INO80: variants seen among roughly 807,000 people sequenced by gnomAD.
INO80 encodes the protein chromatin-remodeling ATPase INO80.
A neutral mutation model predicts 203.4 loss-of-function variants in INO80; 20 were observed. The ratio of observed to expected loss-of-function variants is 0.10; its 90% CI spans 0.07 to 0.14. The LOEUF (loss-of-function observed/expected upper bound fraction) is 0.14. INO80 is among the 10% of genes least tolerant of loss of function. The pLI, the probability that INO80 is intolerant of heterozygous loss-of-function variation, is 1.00. For synonymous variants in INO80, 726 were observed against 685.2 expected (o/e 1.06, Z -0.93); for missense variants, 1,419 against 1,914.4 (o/e 0.74, Z 4.83).
intron 29 of INO80, 83 bp from the exon 30 acceptor site, chr15:40,988,057 C>A (rs1223675167): frequency 8.4e-7 from 1 of 1,192,732 alleles, no homozygotes; most frequent in Non-Finnish European, 1.2e-6. Context: ...TGTCTGTTTG[C>A]GAGTTTGGCG....
chr15:41,004,143 C>G (rs2044003352), intron 28 of INO80, among the ~76,000 whole-genome samples: 1 of 152,154 alleles, frequency 6.6e-6, no homozygotes, highest in African/African-American at 2.4e-5. Flanking sequence ...GTAGCTTCCG[C>G]TAGGTGAGAA....
At chr15:41,092,219 T>C (rs372299628) in intron 4 of INO80, 37 bp from the exon 5 acceptor site, 89 of 1,526,894 alleles carry the variant, frequency 5.8e-5, no homozygotes, top group Middle Eastern at 1.7e-4. Flanking sequence ...TCTTTTGCTG[T>C]GAAGCAATCC....
chr15:41,076,895 A>G (rs769266082), intron 9 of INO80, among the ~76,000 whole-genome samples: 27 of 152,162 alleles, frequency 1.8e-4, no homozygotes, highest in Middle Eastern at 6.8e-3. Flanking sequence ...CATATTAAAG[A>G]GTCATTATTT....
rs71104765 is a variant in INO80 at position 41,008,224 on chromosome 15, TACACAC to T, written c.3403-2543_3403-2538del. On this transcript the variant is annotated intron_variant, in intron 27 of 35. Coordinates refer to ENST00000648947, the MANE Select transcript of INO80 (RefSeq NM_017553.3). ...ATAAAGAATATGTGATATATATACA[TACACAC>T]ACACACACACACACACACACACACG... Among the ~76,000 whole-genome samples, 416 of 148,386 alleles carry T rather than the reference TACACAC, an allele frequency of 2.8e-3. 2 individuals carry two copies. Among genetic ancestry groups the T allele is most frequent in the African/African-American group, 6.9e-3 (277 of 40,264 alleles).
chr15:41,097,482 CATAA>C (rs1187577508), intron 1 of INO80, among the ~76,000 whole-genome samples: 2 of 152,030 alleles, frequency 1.3e-5, no homozygotes, highest in African/African-American at 4.8e-5. Context: ...CTCAATAAAC[CATAA>C]ATTATTGTTA....
rs377653207 is a variant in INO80, at chr15:40,986,012, GA to G, written c.3833-587del. 2.3e-4 allele frequency among the ~76,000 whole-genome samples: 35 copies of G among 152,264 alleles called. No homozygotes were observed. In the East Asian group the frequency reaches 6.4e-3, roughly 28 times the overall value. On this transcript the variant is annotated intron_variant, in intron 31 of 35. Coordinates refer to ENST00000648947, the MANE Select transcript of INO80 (RefSeq NM_017553.3). ...ACATTGAGCATGGCTGTAGAGTTCT[GA>G]AAGGTTTTAGAAGGTGCTGGCAAAT...
At chr15:41,029,924 G>A (rs1394950062) in intron 24 of INO80, among the ~76,000 whole-genome samples, 6 of 152,276 alleles carry the variant, frequency 3.9e-5, no homozygotes, top group Middle Eastern at 3.4e-3. Context: ...GCTCATCACC[G>A]CCAGCTAAGT....
At chr15:41,106,311 G>C (rs970788201) in intron 1 of INO80, among the ~76,000 whole-genome samples, 3 of 149,004 alleles carry the variant, frequency 2.0e-5, no homozygotes, top group South Asian at 2.1e-4. Flanking sequence ...TTAAGCCCAA[G>C]AGACAGAGGT....
rs186247318 is a variant in INO80, at chr15:40,998,384, C to T, written c.3498-783G>A. Among the ~76,000 whole-genome samples the T allele has an allele frequency of 3.9e-3, 597 of 152,090 alleles. 8 individuals are homozygous for T. The highest frequency in any genetic ancestry group is 0.014 in the African/African-American group (574 of 41,488). On this transcript the variant is annotated intron_variant, in intron 28 of 35. Transcript: ENST00000648947. ...AGAAAAATGACTCAAATAACTAAGA[C>T]CCAGGCTGTGACTTTTATGTGCTAA...
chr15:41,102,929 T>C (rs2045830710), intron 1 of INO80, among the ~76,000 whole-genome samples: 1 of 152,054 alleles, frequency 6.6e-6, no homozygotes, highest in African/African-American at 2.4e-5. Flanking sequence ...CCTTAGAAAA[T>C]CTCATCTTCT....
chr15:40,990,008 C>CTT (rs930831897), intron 29 of INO80, among the ~76,000 whole-genome samples: 1 of 152,056 alleles, frequency 6.6e-6, no homozygotes, highest in Admixed American at 6.6e-5. Flanking sequence ...CTTTTCTTTT[C>CTT]TTATCCCTAT....
chr15:40,980,245 G>A lies in INO80; in HGVS notation c.4649C>T (p.Thr1550Ile). The change falls in exon 36 of 36, where the codon ACC becomes ATC. Residue 1550 changes from threonine to isoleucine, a missense_variant. Thr to Ile is a moderately conservative substitution (Grantham distance 89). Transcript: ENST00000648947. ...TGGTTACCGTCCTCCAGAGGGGTTG[G>A]TGCCTTTGCCCTGTTTCCGGACCAG... ...DSLVRKQGKG[T>I]NPSGGR 2 of 1,612,968 alleles carry A rather than the reference G, an allele frequency of 1.2e-6. No homozygotes were observed. Among genetic ancestry groups the A allele is most frequent in the Non-Finnish European group, 1.7e-6 (2 of 1,180,012 alleles).
chr15:41,035,590 G>A (rs1159195940), intron 24 of INO80, among the ~76,000 whole-genome samples: 1 of 151,596 alleles, frequency 6.6e-6, no homozygotes, highest in East Asian at 1.9e-4. Context: ...GAGAGGCCGA[G>A]GCAGATGGAT....
chr15:41,113,667 G>A (rs1446212450), intron 1 of INO80, among the ~76,000 whole-genome samples: 2 of 152,088 alleles, frequency 1.3e-5, no homozygotes, highest in East Asian at 1.9e-4. Context: ...GCTTGAGTGC[G>A]CTGGCACAAT....
chr15:41,043,008 C>T (rs1318894261), intron 24 of INO80, among the ~76,000 whole-genome samples: 1 of 152,184 alleles, frequency 6.6e-6, no homozygotes, highest in Non-Finnish European at 1.5e-5. Flanking sequence ...GTGAATCTTT[C>T]AACTGCGTAA....
Position 41,070,456 on chromosome 15 carries a change from C to T in INO80, c.1686+11G>A. 3.1e-6 allele frequency: 5 copies of T among 1,607,842 alleles called. No individual in the cohort carries two copies. Among genetic ancestry groups the T allele is most frequent in the South Asian group, 1.1e-5 (1 of 90,852 alleles). ...TAGAGAAATGAAGATAGAAAGATTG[C>T]ATCTACCCACCTCAGCCAGATGGGC... On this transcript the variant is annotated intron_variant, in intron 13 of 35. Transcript: ENST00000648947.
Position 41,111,549 on chromosome 15 carries a change from A to T in INO80, c.-44+4424T>A, listed in dbSNP as rs751907991. ...AGGCCACACAGTGGCTCACACCTGT[A>T]ATCCCAGCACTTTGGGAGGCTAAGG... On this transcript the variant is annotated intron_variant, in intron 1 of 35. Coordinates refer to ENST00000648947, the MANE Select transcript of INO80 (RefSeq NM_017553.3). Among the ~76,000 whole-genome samples, 8 of 152,288 alleles carry T rather than the reference A, an allele frequency of 5.3e-5. No individual in the cohort carries two copies. In the Middle Eastern group the frequency reaches 0.01, roughly 194 times the overall value.
rs1893769897 is a variant in INO80, at chr15:40,980,270, G to C, written c.4624C>G (p.Leu1542Val). 5 of 1,613,456 alleles carry C rather than the reference G, an allele frequency of 3.1e-6. No individual in the cohort carries two copies. The highest frequency in any genetic ancestry group is 4.2e-6 in the Non-Finnish European group (5 of 1,180,046). Residue 1542 changes from leucine to valine, a missense_variant, in exon 36 of 36, where the codon CTG becomes GTG. Leu to Val is a conservative substitution (Grantham distance 32, BLOSUM62 1). Around this residue, in one of 9 missense-constraint regions of INO80, gnomAD observed 112 missense variants for 106.2 expected, o/e 1.05. Coordinates refer to ENST00000648947, the MANE Select transcript of INO80 (RefSeq NM_017553.3). ...GTGCCTTTGCCCTGTTTCCGGACCA[G>C]AGAGTCTGGGGCTAGGCTGCTGGTC... ...HMTSSLAPDS[L>V]VRKQGKGTNP...
At chr15:41,061,303 A>T (rs2140561929) in intron 14 of INO80, among the ~76,000 whole-genome samples, 1 of 151,910 alleles carries the variant, frequency 6.6e-6, no homozygotes, top group East Asian at 1.9e-4. Context: ...TTGTTTCAAA[A>T]AAATAAATAA....
Sources: gnomAD v4.1 joint callset for allele counts (sites outside exome capture counted in the v4.1 genomes callset) on GRCh38, gnomAD v4.1.1 for gene constraint, gnomAD v4.1.1 regional missense constraint, MANE v1.5 for transcripts, NCBI Gene and HGNC (gene_info 2026-07-23, HGNC 2026-07-21) for gene names.